The following APOC1 variants were observed in gnomAD, a reference collection of about 807,000 sequenced individuals.
APOC1 encodes apolipoprotein C-I.
A neutral mutation model predicts 6.7 loss-of-function variants in APOC1; 4 were observed. That is an observed-to-expected ratio of 0.60 (90% confidence interval 0.29 to 1.37). The LOEUF (loss-of-function observed/expected upper bound fraction) is 1.37. Among genes scored for constraint, APOC1 ranks in the 40% most tolerant of loss-of-function variants. The pLI is 0.09. For synonymous variants in APOC1, 33 were observed against 40.6 expected (o/e 0.81, Z 0.72); for missense variants, 122 against 99.4 (o/e 1.23, Z -0.97).
At chr19:44,917,719 C>T (rs192021358) in intron 3 of APOC1, among the ~76,000 whole-genome samples, 28 of 152,240 alleles carry the variant, frequency 1.8e-4, no homozygotes, top group Non-Finnish European at 4.0e-4. Context: ...TGGCTCACAC[C>T]TGTAATCCCA....
chr19:44,917,712 C>G (rs1160329517), intron 3 of APOC1, among the ~76,000 whole-genome samples: 5 of 152,128 alleles, frequency 3.3e-5, no homozygotes, highest in African/African-American at 2.4e-5. Context: ...GGCACAATGG[C>G]TCACACCTGT....
chr19:44,916,535 G>A, intron 3 of APOC1: 1 of 672,000 alleles, frequency 1.5e-6, no homozygotes, highest in Non-Finnish European at 2.4e-6. Context: ...AGATGGTCTT[G>A]GGCTGGGCAC....
Position 44,916,319 on chromosome 19 carries a change from A to G in APOC1, c.188A>G (p.Lys63Arg), listed in dbSNP as rs1970007998. 1.9e-6 allele frequency: 3 copies of G among 1,613,650 alleles called. No homozygotes were observed. Among genetic ancestry groups the G allele is most frequent in the Non-Finnish European group, 2.5e-6 (3 of 1,179,940 alleles). ...ATCAAACAGAGTGAACTTTCTGCCA[A>G]GATGCGGTTAGAACCCTTCCCAGGG... is the stretch of plus-strand genomic sequence containing the variant. Reference protein sequence around the residue: ...SRIKQSELSAKMREWFSETFQ... With the variant: ...SRIKQSELSARMREWFSETFQ... The change falls in exon 3 of 4, where the codon AAG becomes AGG. Residue 63 changes from lysine (K) to arginine (R), a missense_variant. Physicochemically the swap from Lys to Arg is conservative, Grantham distance 26 (BLOSUM62 2). Coordinates refer to ENST00000592535, the MANE Select transcript of APOC1 (RefSeq NM_001645.5).
At chr19:44,918,480 C>T (rs1208721854) in intron 3 of APOC1, among the ~76,000 whole-genome samples, 2 of 145,642 alleles carry the variant, frequency 1.4e-5, no homozygotes, top group Non-Finnish European at 3.0e-5. Flanking sequence ...TCCTGCCTCA[C>T]CCTCCCGAGT....
chr19:44,916,362 G>A, intron 3 of APOC1, 37 bp downstream of exon 3: 2 of 1,609,526 alleles, frequency 1.2e-6, no homozygotes, highest in Non-Finnish European at 8.5e-7. Flanking sequence ...GAGCTGGGGT[G>A]TGTTTTTGGG....
chr19:44,918,285 A>G (rs539796903), intron 3 of APOC1, among the ~76,000 whole-genome samples: 5 of 148,328 alleles, frequency 3.4e-5, no homozygotes, highest in African/African-American at 1.2e-4. Flanking sequence ...AAAGGAAGGC[A>G]TTGGTAGCAA....
chr19:44,914,715 C>A lies in APOC1; in HGVS notation c.-39C>A. ...GGCAGGACAGGACCTCCCAACCAAGCCCTCCAGCAAGGATTCAGGTTGGTG... is the reference window on the plus strand; with the variant it reads ...GGCAGGACAGGACCTCCCAACCAAGACCTCCAGCAAGGATTCAGGTTGGTG... On this transcript the variant is annotated 5_prime_UTR_variant, in exon 1 of 4. Coordinates refer to ENST00000592535, the MANE Select transcript of APOC1 (RefSeq NM_001645.5). 1 of 617,110 alleles carries A rather than the reference C, an allele frequency of 1.6e-6. No individual in the cohort carries two copies. The highest frequency in any genetic ancestry group is 2.9e-6 in the Non-Finnish European group (1 of 346,322). 38.2% of individuals were successfully genotyped at this position (617,110 alleles called of 1,614,324 possible).
rs1031899351 is a variant in APOC1 at position 44,914,729 on chromosome 19, T to C, written c.-25T>C. The C allele has an allele frequency of 4.5e-6, 3 of 660,498 alleles. No individual in the cohort carries two copies. Among genetic ancestry groups the C allele is most frequent in the Non-Finnish European group, 8.0e-6 (3 of 374,840 alleles). The allele number at this position is 660,498 out of a possible 1,614,324, so 40.9% of individuals were successfully genotyped here. A position where few individuals can be genotyped will look rare whatever the true frequency, so the allele number is the denominator to read the frequency against. On this transcript the variant is annotated 5_prime_UTR_variant, in exon 1 of 4. Coordinates refer to ENST00000592535, the MANE Select transcript of APOC1 (RefSeq NM_001645.5). ...TCCCAACCAAGCCCTCCAGCAAGGA[T>C]TCAGGTTGGTGCTGAGTGCCTGGGA...
chr19:44,915,867 G>T (rs763620480), intron 2 of APOC1, among the ~76,000 whole-genome samples: 1 of 151,980 alleles, frequency 6.6e-6, no homozygotes, highest in East Asian at 1.9e-4. Context: ...TACTCGGGAG[G>T]CTGAGGCAGG....
chr19:44,917,923 G>A (rs956990617), intron 3 of APOC1, among the ~76,000 whole-genome samples: 5 of 151,594 alleles, frequency 3.3e-5, no homozygotes, highest in Admixed American at 6.6e-5. Flanking sequence ...GCAGTGAGCC[G>A]AGATCATGCC....
chr19:44,917,813 A>G (rs1430670582), intron 3 of APOC1, among the ~76,000 whole-genome samples: 1 of 151,864 alleles, frequency 6.6e-6, no homozygotes, highest in Non-Finnish European at 1.5e-5. Context: ...TGTCTCTACT[A>G]AAAATACAAA....
intron 3 of APOC1, among the ~76,000 whole-genome samples, chr19:44,917,690 G>T (rs577279615): frequency 5.9e-5 from 9 of 151,548 alleles, no homozygotes; most frequent in African/African-American, 1.7e-4. Flanking sequence ...TAGAAAGATC[G>T]TTTGGAGGCC....
rs748886087 is a variant in APOC1 at position 44,915,112 on chromosome 19, A to G, written c.58+163A>G. The G allele has an allele frequency of 1.1e-4, 76 of 704,274 alleles. 1 individual carries two copies. Among genetic ancestry groups the G allele is most frequent in the Non-Finnish European group, 1.3e-4 (53 of 409,758 alleles). 43.6% of individuals were successfully genotyped at this position (704,274 alleles called of 1,614,324 possible). A position where few individuals can be genotyped will look rare whatever the true frequency, so the allele number is the denominator to read the frequency against. Reference sequence around the variant, plus strand: ...TGGGTCTCCAGGTTCTCCCAGGCTCAGTCCCGCAGGCGCCAAATCTGCGCA... The same window carrying G: ...TGGGTCTCCAGGTTCTCCCAGGCTCGGTCCCGCAGGCGCCAAATCTGCGCA... On this transcript the variant is annotated intron_variant, in intron 2 of 3. Coordinates refer to ENST00000592535, the MANE Select transcript of APOC1 (RefSeq NM_001645.5).
intron 2 of APOC1, among the ~76,000 whole-genome samples, chr19:44,915,379 A>G (rs1272957085): frequency 7.1e-6 from 1 of 141,114 alleles, no homozygotes. Flanking sequence ...GCTGGAGTGC[A>G]GTGGCGCGAT....
In APOC1 at chr19:44,916,214, C is replaced by T. The variant is rs767290955; in HGVS notation, c.83C>T (p.Pro28Leu). 1.2e-6 allele frequency: 2 copies of T among 1,611,462 alleles called. No individual in the cohort carries two copies. The highest frequency in any genetic ancestry group is 1.7e-6 in the Non-Finnish European group (2 of 1,179,058). Residue 28 changes from proline (P) to leucine (L), a missense_variant, in exon 3 of 4, where the codon CCA becomes CTA. By Grantham distance (98) the Pro-to-Leu change is moderately conservative. Coordinates refer to ENST00000592535, the MANE Select transcript of APOC1 (RefSeq NM_001645.5). ...GGCCCAGCCCCAGCCCAGGGGACCC[C>T]AGACGTCTCCAGTGCCTTGGATAAG... ...LEGPAPAQGT[P>L]DVSSALDKLK... is the part of the protein sequence containing the mutation.
chr19:44,915,951 A>G (rs1969995632), intron 2 of APOC1, among the ~76,000 whole-genome samples: 1 of 151,804 alleles, frequency 6.6e-6, no homozygotes, highest in Non-Finnish European at 1.5e-5. Context: ...CCTGGCTGAC[A>G]CAGCAAGACT....
chr19:44,918,384 C>T (rs1160114896), intron 3 of APOC1, among the ~76,000 whole-genome samples: 15 of 108,144 alleles, frequency 1.4e-4, no homozygotes, highest in African/African-American at 3.9e-4. Context: ...TTTTTTGAGA[C>T]GGAGTCTCGC....
intron 1 of APOC1, 41 bp downstream of exon 1, chr19:44,914,774 T>C: frequency 1.9e-6 from 2 of 1,068,726 alleles, no homozygotes; most frequent in South Asian, 2.7e-5. Context: ...GCCTACACTC[T>C]GCAAGAAACT....
intron 3 of APOC1, among the ~76,000 whole-genome samples, chr19:44,916,822 A>AC (rs1568622693): frequency 6.7e-6 from 1 of 149,696 alleles, no homozygotes; most frequent in Non-Finnish European, 1.5e-5. Context: ...AAAAAAAAAA[A>AC]AAAAAAAAAA....
Sources: gnomAD v4.1 joint callset for allele counts (sites outside exome capture counted in the v4.1 genomes callset) on GRCh38, gnomAD v4.1.1 for gene constraint, MANE v1.5 for transcripts, NCBI Gene and HGNC (gene_info 2026-07-23, HGNC 2026-07-21) for gene names.